Variants in RSF1 observed in about 807,000 individuals in gnomAD.
RSF1 encodes the protein HBV pX-associated protein 8.
A neutral mutation model predicts 145.2 loss-of-function variants in RSF1; 13 were observed. That is an observed-to-expected ratio of 0.09 (90% CI 0.06 to 0.14). The LOEUF (loss-of-function observed/expected upper bound fraction) is 0.14, where lower values mean the gene tolerates loss of function less well. Ranked by LOEUF, RSF1 falls within the 10% of genes least tolerant of loss-of-function variation. The pLI, the probability that RSF1 is intolerant of heterozygous loss-of-function variation, is 1.00. For missense variants in RSF1, 1,517 were observed against 1,718.2 expected (o/e 0.88, Z 2.07); for synonymous variants, 577 against 592.6 (o/e 0.97, Z 0.38).
chr11:77,785,819 G>A (rs1489901675), intron 1 of RSF1, among the ~76,000 whole-genome samples: 17 of 138,192 alleles, frequency 1.2e-4, no homozygotes, highest in African/African-American at 3.5e-4. Flanking sequence ...CCAGCTACTC[G>A]GGAGGCTGAG....
At chr11:77,829,973 T>C in the RSF1 span, 1 of 152,096 alleles carries the variant, frequency 6.6e-6, no homozygotes, top group Non-Finnish European at 1.5e-5. Flanking sequence ...CTCTACAAAA[T>C]TCTTTTTTAT....
intron 4 of RSF1, among the ~76,000 whole-genome samples, chr11:77,739,838 T>C (rs1961462939): frequency 6.6e-6 from 1 of 152,226 alleles, no homozygotes; most frequent in Admixed American, 6.5e-5. Context: ...GGTTCTAGTA[T>C]TACTCATAGG....
rs951179979 is a variant in RSF1 at position 77,672,350 on chromosome 11, G to A, written c.3563-120C>T. On this transcript the variant is annotated intron_variant, in intron 14 of 15. Transcript: ENST00000308488. ...AGTCATAAATATTTTTAAGTGAACA[G>A]TAACTTTTATGAGTCTCATTTTATT... 3.9e-6 allele frequency: 3 copies of A among 777,274 alleles called. No homozygotes were observed. The East Asian group carries it at 8.2e-5, about 21-fold the overall frequency. 48.1% of individuals were successfully genotyped at this position (777,274 alleles called of 1,614,324 possible).
At chr11:77,793,519 A>G (rs1405427502) in intron 1 of RSF1, among the ~76,000 whole-genome samples, 1 of 152,204 alleles carries the variant, frequency 6.6e-6, no homozygotes, top group Non-Finnish European at 1.5e-5. Flanking sequence ...TGATCCAACT[A>G]TATGATGCCT....
At chr11:77,742,986 T>C (rs546516326) in intron 3 of RSF1, among the ~76,000 whole-genome samples, 1 of 152,340 alleles carries the variant, frequency 6.6e-6, no homozygotes, top group South Asian at 2.1e-4. Context: ...CAGCACCATT[T>C]ATTGAATAGA....
At chr11:77,795,341 A>G (rs1162270431) in intron 1 of RSF1, among the ~76,000 whole-genome samples, 2 of 152,202 alleles carry the variant, frequency 1.3e-5, no homozygotes, top group Non-Finnish European at 2.9e-5. Context: ...TAGAAAACAC[A>G]ATGCTGAAAT....
At chr11:77,864,757 T>C in the RSF1 span, among the ~76,000 whole-genome samples, 8 of 152,130 alleles carry the variant, frequency 5.3e-5, no homozygotes, top group African/African-American at 1.9e-4. Flanking sequence ...GATGGGAGGA[T>C]TGTTTGAGCC....
intron 7 of RSF1, among the ~76,000 whole-genome samples, chr11:77,697,421 C>T (rs1960302077): frequency 6.9e-6 from 1 of 145,604 alleles, no homozygotes; most frequent in African/African-American, 2.5e-5. Context: ...AACAGACTCA[C>T]TTATGAACTG....
Position 77,702,176 on chromosome 11 carries a change from G to A in RSF1, c.1053C>T (p.Ile351=), listed in dbSNP as rs756106440. The A allele has an allele frequency of 5.5e-5, 89 of 1,613,778 alleles. No individual in the cohort carries two copies. The highest frequency in any genetic ancestry group is 7.0e-5 in the Non-Finnish European group (83 of 1,179,950). ...EKPVAQEPER[I]EFGGNIKSSH... is the part of the protein sequence containing the mutation. Reference sequence around the variant, plus strand: ...AAGATTTAATATTGCCACCAAATTCGATCCTTTCAGGCTCCTGTGCCACTG... The same window carrying A: ...AAGATTTAATATTGCCACCAAATTCAATCCTTTCAGGCTCCTGTGCCACTG... The change falls in exon 6 of 16, where the codon ATC becomes ATT. Residue 351 remains isoleucine, a synonymous_variant. Transcript: ENST00000308488.
intron 5 of RSF1, among the ~76,000 whole-genome samples, chr11:77,704,896 C>T (rs1380821516): frequency 1.3e-5 from 2 of 151,974 alleles, no homozygotes; most frequent in Non-Finnish European, 2.9e-5. Flanking sequence ...GGATTACAGG[C>T]ATGCACCACT....
chr11:77,803,727 A>T (rs904615849), intron 1 of RSF1, among the ~76,000 whole-genome samples: 2 of 152,054 alleles, frequency 1.3e-5, no homozygotes, highest in African/African-American at 4.8e-5. Flanking sequence ...GCAGTGAGCC[A>T]AGAGCACGCT....
intron 1 of RSF1, among the ~76,000 whole-genome samples, chr11:77,796,084 T>C (rs1239498058): frequency 6.6e-6 from 1 of 152,192 alleles, no homozygotes; most frequent in Non-Finnish European, 1.5e-5. Flanking sequence ...TTGTGTCTAT[T>C]TGATTCTTCT....
chr11:77,708,272 C>T (rs929767403), intron 5 of RSF1, among the ~76,000 whole-genome samples: 3 of 152,080 alleles, frequency 2.0e-5, no homozygotes, highest in Admixed American at 6.5e-5. Flanking sequence ...TAGAAAAATT[C>T]GTCAGGCATG....
At chr11:77,858,913 G>A in the RSF1 span, among the ~76,000 whole-genome samples, 281 of 152,336 alleles carry the variant, frequency 1.8e-3, 4 homozygotes, top group Admixed American at 0.013. Flanking sequence ...TAGAGATACA[G>A]GGATTGAAAT....
intron 2 of RSF1, among the ~76,000 whole-genome samples, chr11:77,758,064 G>C (rs1034210827): frequency 6.6e-6 from 1 of 151,622 alleles, no homozygotes; most frequent in Non-Finnish European, 1.5e-5. Context: ...TCAGACCAGG[G>C]GACCAAGGCT....
chr11:77,692,232 A>ATT (rs1565149884), intron 8 of RSF1, among the ~76,000 whole-genome samples: 4 of 59,732 alleles, frequency 6.7e-5, no homozygotes, highest in South Asian at 3.7e-4. Flanking sequence ...ACTACTTTTA[A>ATT]ATTTTTTTTT....
chr11:77,809,774 T>C (rs1477491660), intron 1 of RSF1, among the ~76,000 whole-genome samples: 1 of 152,234 alleles, frequency 6.6e-6, no homozygotes, highest in Non-Finnish European at 1.5e-5. Context: ...AATATTACCA[T>C]ATTGCTATAT....
In RSF1 at chr11:77,692,233, A is replaced by ATTTTTTTTTTTTTTTTTTTTTTTTTTT. The variant is rs71046904; in HGVS notation, c.2821-1022_2821-996dup. The stretch of plus-strand genomic sequence containing the variant: ...AAAAAATAATTATTACTACTTTTAA[A>ATTTTTTTTTTTTTTTTTTTTTTTTTTT]TTTTTTTTTTTTTTTTTTTTTTTTT... On this transcript the variant is annotated intron_variant, in intron 8 of 15. Coordinates refer to ENST00000308488, the MANE Select transcript of RSF1 (RefSeq NM_016578.4). Among the ~76,000 whole-genome samples the ATTTTTTTTTTTTTTTTTTTTTTTTTTT allele has an allele frequency of 6.1e-5, 3 of 49,472 alleles. 1 individual carries two copies. Among genetic ancestry groups the ATTTTTTTTTTTTTTTTTTTTTTTTTTT allele is most frequent in the African/African-American group, 2.6e-4 (2 of 7,840 alleles). The allele number at this position is 49,472 out of a possible 152,430, so 32.5% of individuals were successfully genotyped here. A position where few individuals can be genotyped will look rare whatever the true frequency, so the allele number is the denominator to read the frequency against.
chr11:77,786,186 TC>T lies in RSF1; in HGVS notation c.188-21498del, dbSNP rs1027870371. On this transcript the variant is annotated intron_variant, in intron 1 of 15. Transcript: ENST00000308488. The stretch of plus-strand genomic sequence containing the variant: ...ATTTCAACCCAGCTAATACTAAAAA[TC>T]CTGACATTTACTACGTACCATCATG... Among the ~76,000 whole-genome samples the T allele has an allele frequency of 3.9e-5, 6 of 152,128 alleles. No homozygotes were observed. The East Asian group carries it at 9.6e-4, about 24-fold the overall frequency.
Sources: gnomAD v4.1 joint callset for allele counts (sites outside exome capture counted in the v4.1 genomes callset) on GRCh38, gnomAD v4.1.1 for gene constraint, MANE v1.5 for transcripts, NCBI Gene and HGNC (gene_info 2026-07-23, HGNC 2026-07-21) for gene names.